Variants in EVC observed in about 807,000 individuals in gnomAD.
EVC encodes the protein EvC ciliary complex subunit 1.
EVC carries 116 observed loss-of-function variants against 118.9 expected under a neutral mutation model. That is an observed-to-expected ratio of 0.98 (90% CI 0.84 to 1.14). The LOEUF (loss-of-function observed/expected upper bound fraction) is 1.14. Among genes scored for constraint, EVC ranks in the 50% most tolerant of loss-of-function variants. EVC has a pLI of 0.00. For missense variants in EVC, 1,401 were observed against 1,246.4 expected (o/e 1.12, Z -1.87); for synonymous variants, 619 against 534.7 (o/e 1.16, Z -2.18).
rs765907829 is a variant in EVC, at chr4:5,789,978, C to T, written c.1777-3630C>T. 1.3e-5 allele frequency among the ~76,000 whole-genome samples: 2 copies of T among 152,104 alleles called. No homozygotes were observed. ...GGTAGATCACCTGAGATCAAGAGTT[C>T]GAGACCAGCCTGGCCTACATAGCGA... On this transcript the variant is annotated intron_variant, in intron 12 of 20. Transcript: ENST00000264956. This position sits in a 1 kb window ranked among gnomAD's most constrained non-coding sequence, Gnocchi z 4.3.
Position 5,738,125 on chromosome 4 carries a change from A to G in EVC, c.703-3591A>G, listed in dbSNP as rs1240803723. Among the ~76,000 whole-genome samples the G allele has an allele frequency of 1.3e-5, 2 of 152,194 alleles. No homozygotes were observed. Among genetic ancestry groups the G allele is most frequent in the Non-Finnish European group, 2.9e-5 (2 of 68,028 alleles). On this transcript the variant is annotated intron_variant, in intron 5 of 20. Coordinates refer to ENST00000264956, the MANE Select transcript of EVC (RefSeq NM_153717.3). The surrounding 1 kb of genome is among the most constrained non-coding windows in gnomAD (Gnocchi z 6.5). ...AGGGGATTCAGAACTTCAGTGGAGG[A>G]AGTCATTGGAAATGTGGAAATAGCA... is the stretch of plus-strand genomic sequence containing the variant.
At chr4:5,713,203 G>C (rs1166100387) in intron 1 of EVC, among the ~76,000 whole-genome samples, 1 of 152,216 alleles carries the variant, frequency 6.6e-6, no homozygotes, top group Non-Finnish European at 1.5e-5. Flanking sequence ...GGAGGGGTCT[G>C]TGGCTCAAAG....
intron 1 of EVC, among the ~76,000 whole-genome samples, chr4:5,718,128 A>G (rs1200179766): frequency 1.3e-5 from 2 of 151,982 alleles, no homozygotes; most frequent in East Asian, 1.9e-4. Context: ...AATATAGTCT[A>G]CTCTCCTTAT....
Position 5,748,279 on chromosome 4 carries a change from G to T in EVC, c.1071G>T (p.Leu357Phe). 21 of 1,614,162 alleles carry T rather than the reference G, an allele frequency of 1.3e-5. No homozygotes were observed. The highest frequency in any genetic ancestry group is 1.8e-5 in the Non-Finnish European group (21 of 1,180,030). The change falls in exon 8 of 21, where the codon TTG becomes TTT. Residue 357 changes from leucine (L) to phenylalanine (F), a missense_variant. Physicochemically the swap from Leu to Phe is conservative, Grantham distance 22 (BLOSUM62 0). Transcript: ENST00000264956. Reference sequence around the variant, plus strand: ...GAATGATTGCAGCCGAAGGGCTATTGTGCGATTCTCAGGAGCTGCAGGCTC... The same window carrying T: ...GAATGATTGCAGCCGAAGGGCTATTTTGCGATTCTCAGGAGCTGCAGGCTC... ...TERMIAAEGL[L>F]CDSQELQALD...
intron 5 of EVC, among the ~76,000 whole-genome samples, chr4:5,735,304 C>G (rs1372030519): frequency 1.3e-5 from 2 of 152,202 alleles, no homozygotes; most frequent in East Asian, 3.9e-4. Context: ...TGTGGGGAGT[C>G]TCGTGGGTGG....
intron 2 of EVC, among the ~76,000 whole-genome samples, chr4:5,726,264 G>A (rs1725792547): frequency 6.6e-6 from 1 of 152,224 alleles, no homozygotes; most frequent in Non-Finnish European, 1.5e-5. Flanking sequence ...GTTCAGAATT[G>A]CCCAGTAGAG....
In EVC at chr4:5,749,961, C is replaced by G. The variant is rs1324741697; in HGVS notation, c.1098+1655C>G. Reference sequence around the variant, plus strand: ...TGCAGAATCCTGTCCTCCACCCTTCCCAAGCAGGATCTGCACTTTAACAAG... The same window carrying G: ...TGCAGAATCCTGTCCTCCACCCTTCGCAAGCAGGATCTGCACTTTAACAAG... On this transcript the variant is annotated intron_variant, in intron 8 of 20. Transcript: ENST00000264956. The surrounding 1 kb of genome is among the most constrained non-coding windows in gnomAD (Gnocchi z 4.4). Among the ~76,000 whole-genome samples, 1 of 152,158 alleles carries G rather than the reference C, an allele frequency of 6.6e-6. No individual in the cohort carries two copies. Among genetic ancestry groups the G allele is most frequent in the East Asian group, 1.9e-4 (1 of 5,200 alleles).
chr4:5,745,131 A>G (rs1729159131), intron 6 of EVC, 73 bp from the exon 7 acceptor site: 6 of 1,441,242 alleles, frequency 4.2e-6, no homozygotes, highest in Non-Finnish European at 5.8e-6. Flanking sequence ...AAAAGCATTT[A>G]TTTTTCTAGA....
chr4:5,760,852 TGGCCCAA>T (rs1731900033), intron 11 of EVC, among the ~76,000 whole-genome samples: 1 of 152,170 alleles, frequency 6.6e-6, no homozygotes, highest in African/African-American at 2.4e-5. Flanking sequence ...GCTCCCGGCC[TGGCCCAA>T]GGCCTGTGTC....
chr4:5,808,147 C>CCCCCCCCCCCCCTTCCT, intron 17 of EVC, 54 bp from the exon 18 acceptor site: 1 of 629,540 alleles, frequency 1.6e-6, no homozygotes. Flanking sequence ...CCCTCCCTCC[C>CCCCCCCCCCCCCTTCCT]TCCCTCCCTC....
At chr4:5,723,200 T>C (rs905279311) in intron 2 of EVC, among the ~76,000 whole-genome samples, 1 of 151,590 alleles carries the variant, frequency 6.6e-6, no homozygotes, top group Non-Finnish European at 1.5e-5. Context: ...TCTTTTTTTT[T>C]TTTTTTTGAG....
rs1730087377 is a variant in EVC, at chr4:5,749,887, G to A, written c.1098+1581G>A. Among the ~76,000 whole-genome samples the A allele has an allele frequency of 6.6e-6, 1 of 152,126 alleles. No individual in the cohort carries two copies. The highest frequency in any genetic ancestry group is 2.1e-4 in the South Asian group (1 of 4,824). On this transcript the variant is annotated intron_variant, in intron 8 of 20. Coordinates refer to ENST00000264956, the MANE Select transcript of EVC (RefSeq NM_153717.3). This position sits in a 1 kb window ranked among gnomAD's most constrained non-coding sequence, Gnocchi z 4.4. Reference sequence around the variant, plus strand: ...TCTCCCAATCCGCTCTGCTCCTCCAGGTGTGATCCACAGACCACAGCATCG... The same window carrying A: ...TCTCCCAATCCGCTCTGCTCCTCCAAGTGTGATCCACAGACCACAGCATCG...
chr4:5,741,668 A>G (rs1728597931), intron 5 of EVC, 48 bp from the exon 6 acceptor site: 2 of 1,125,490 alleles, frequency 1.8e-6, no homozygotes, highest in Admixed American at 1.7e-5. Context: ...AGACAAAAAT[A>G]CCATTGATTA....
intron 5 of EVC, among the ~76,000 whole-genome samples, chr4:5,735,105 T>G (rs1871585): frequency 0.43 from 65,846 of 152,158 alleles, 14,694 homozygotes; most frequent in African/African-American, 0.54. Flanking sequence ...TGCCAGGCAC[T>G]GTGTCAGACC....
chr4:5,761,304 G>T (rs12502689), intron 11 of EVC, among the ~76,000 whole-genome samples: 2 of 151,830 alleles, frequency 1.3e-5, no homozygotes, highest in Admixed American at 6.6e-5. Flanking sequence ...GATGAGCCCA[G>T]ATCTGGGTCC....
At chr4:5,817,786 T>C (rs1452690058), downstream of EVC, among the ~76,000 whole-genome samples, 1 of 152,092 alleles carries the variant, frequency 6.6e-6, no homozygotes, top group African/African-American at 2.4e-5. Flanking sequence ...AGGATAAGGG[T>C]AGCACCTTCT....
intron 18 of EVC, among the ~76,000 whole-genome samples, chr4:5,809,196 C>G (rs1333120136): frequency 1.3e-5 from 2 of 152,174 alleles, no homozygotes; most frequent in Non-Finnish European, 2.9e-5. Context: ...CCTGTGGAGT[C>G]GGGCAGAAGT....
At chr4:5,828,158 C>T in the EVC span, 112 of 985,426 alleles carry the variant, frequency 1.1e-4, no homozygotes, top group African/African-American at 1.8e-3. Context: ...GATCACAGCA[C>T]CTCCCGTGGG....
At chr4:5,724,357 G>A (rs535932255) in intron 2 of EVC, among the ~76,000 whole-genome samples, 2 of 152,328 alleles carry the variant, frequency 1.3e-5, no homozygotes, top group South Asian at 2.1e-4. Context: ...GTGGGAGTGC[G>A]CGATGCCTCA....
Sources: gnomAD v4.1 joint callset for allele counts (sites outside exome capture counted in the v4.1 genomes callset) on GRCh38, gnomAD v4.1.1 for gene constraint, Gnocchi (gnomAD v3.1) non-coding constraint, MANE v1.5 for transcripts, NCBI Gene and HGNC (gene_info 2026-07-23, HGNC 2026-07-21) for gene names.